The following KCNH1 variants were observed in gnomAD, a reference collection of about 807,000 sequenced individuals.
KCNH1 encodes the protein potassium voltage-gated channel subfamily H member 1, also known as voltage-gated delayed rectifier potassium channel KCNH1.
KCNH1 carries 27 observed loss-of-function variants against 69.2 expected under a neutral mutation model. The observed-to-expected ratio is 0.39, with a 90% CI of 0.29 to 0.54. KCNH1 has a LOEUF of 0.54. Ranked by LOEUF, KCNH1 falls within the 20% of genes least tolerant of loss-of-function variation. The pLI, the probability that KCNH1 is intolerant of heterozygous loss-of-function variation, is 0.68. For missense variants in KCNH1, 798 were observed against 1,261.6 expected (o/e 0.63, Z 5.57); for synonymous variants, 456 against 487.7 (o/e 0.93, Z 0.86).
intron 7 of KCNH1, among the ~76,000 whole-genome samples, chr1:210,822,764 C>T (rs1206733793): frequency 6.6e-6 from 1 of 152,186 alleles, no homozygotes; most frequent in East Asian, 1.9e-4. Context: ...ATCCCCCTTT[C>T]AAGACCCAGC....
chr1:210,797,478 C>A, intron 9 of KCNH1, 30 bp downstream of exon 9: 1 of 1,602,754 alleles, frequency 6.2e-7, no homozygotes, highest in Non-Finnish European at 8.5e-7. Context: ...CCCCAGATAC[C>A]TTTGCCCATC....
At chr1:210,974,077 C>G (rs924956506) in intron 6 of KCNH1, among the ~76,000 whole-genome samples, 2 of 152,126 alleles carry the variant, frequency 1.3e-5, no homozygotes, top group Non-Finnish European at 2.9e-5. Flanking sequence ...CTTTCTCTCT[C>G]TCTCTTCCCT....
intron 3 of KCNH1, among the ~76,000 whole-genome samples, chr1:211,097,078 G>A (rs1691170508): frequency 6.6e-6 from 1 of 152,174 alleles, no homozygotes; most frequent in Admixed American, 6.5e-5. Flanking sequence ...TAAATTACAA[G>A]AGGGTTCCTA....
intron 7 of KCNH1, among the ~76,000 whole-genome samples, chr1:210,896,426 G>C (rs905349752): frequency 1.3e-5 from 2 of 152,182 alleles, no homozygotes; most frequent in Admixed American, 6.5e-5. Context: ...AGTTGTGATA[G>C]ACGTAACATC....
intron 7 of KCNH1, among the ~76,000 whole-genome samples, chr1:210,850,712 C>T (rs188946892): frequency 1.4e-4 from 21 of 152,310 alleles, no homozygotes; most frequent in Admixed American, 2.6e-4. Flanking sequence ...GCAGTCTCAA[C>T]AGCAAGCCAA....
At chr1:210,944,199 G>A (rs116318066) in intron 6 of KCNH1, among the ~76,000 whole-genome samples, 1,723 of 152,296 alleles carry the variant, frequency 0.011, 36 homozygotes, top group African/African-American at 0.039. Context: ...CAATTCATAA[G>A]GGTGTTTTTT....
At chr1:210,795,393 C>T (rs1401742817) in intron 9 of KCNH1, among the ~76,000 whole-genome samples, 1 of 152,090 alleles carries the variant, frequency 6.6e-6, no homozygotes, top group Non-Finnish European at 1.5e-5. Flanking sequence ...GAGATCCACC[C>T]GTCTCAGCCA....
rs930270310 is a variant in KCNH1 at position 211,057,471 on chromosome 1, CA to C, written c.558+25308del. On this transcript the variant is annotated intron_variant, in intron 5 of 10. Transcript: ENST00000271751. ...GGCAACATGCAAAACCCCATCTCTACAAAAAAAAATTTTTTTAATTAGCTGG... is the reference window on the plus strand; with the variant it reads ...GGCAACATGCAAAACCCCATCTCTACAAAAAAAATTTTTTTAATTAGCTGG... Among the ~76,000 whole-genome samples, 102 of 151,548 alleles carry C rather than the reference CA, an allele frequency of 6.7e-4. No homozygotes were observed. In the Middle Eastern group the frequency reaches 0.014, roughly 20 times the overall value.
At chr1:210,921,056 T>C (rs187260427) in intron 6 of KCNH1, among the ~76,000 whole-genome samples, 1 of 152,352 alleles carries the variant, frequency 6.6e-6, no homozygotes, top group Admixed American at 6.5e-5. Flanking sequence ...ACTAACTTGC[T>C]GTGAATTTGG....
At chr1:210,704,817 G>A (rs1284415754) in intron 10 of KCNH1, among the ~76,000 whole-genome samples, 3 of 152,066 alleles carry the variant, frequency 2.0e-5, no homozygotes, top group African/African-American at 7.2e-5. Flanking sequence ...AGTTCCACTG[G>A]CTCACTCTTT....
At chr1:210,802,298 T>C (rs910309665) in intron 8 of KCNH1, among the ~76,000 whole-genome samples, 5 of 152,212 alleles carry the variant, frequency 3.3e-5, no homozygotes, top group African/African-American at 1.2e-4. Flanking sequence ...CAACTGACAA[T>C]TCTAATGAAG....
intron 5 of KCNH1, among the ~76,000 whole-genome samples, chr1:211,057,403 A>C (rs1690330936): frequency 4.6e-5 from 7 of 152,220 alleles, no homozygotes; most frequent in Admixed American, 4.6e-4. Context: ...TGGGAGGCCA[A>C]GGCAGGCAGA....
rs114024085 is a variant in KCNH1 at position 211,019,950 on chromosome 1, C to A, written c.559-694G>T. ...AAGGAAATTTTAAAATGTCTTGAAA[C>A]AAATGAAAATGAAAACATAACATAA... On this transcript the variant is annotated intron_variant, in intron 5 of 10. Coordinates refer to ENST00000271751, the MANE Select transcript of KCNH1 (RefSeq NM_172362.3). Among the ~76,000 whole-genome samples, 786 of 151,978 alleles carry A rather than the reference C, an allele frequency of 5.2e-3. 7 individuals carry two copies. The highest frequency in any genetic ancestry group is 0.018 in the African/African-American group (753 of 41,452).
At chr1:210,882,520 T>C (rs1361648298) in intron 7 of KCNH1, among the ~76,000 whole-genome samples, 2 of 152,182 alleles carry the variant, frequency 1.3e-5, no homozygotes, top group African/African-American at 4.8e-5. Context: ...AGTGCTCAGA[T>C]AGACGGAGGC....
chr1:210,802,590 G>A (rs993844030), intron 8 of KCNH1, among the ~76,000 whole-genome samples: 13 of 152,118 alleles, frequency 8.5e-5, no homozygotes, highest in Middle Eastern at 3.4e-3. Context: ...TAAATAATAG[G>A]AAGCCCACTG....
chr1:210,790,205 T>A (rs1333867245), intron 9 of KCNH1, among the ~76,000 whole-genome samples: 1 of 152,276 alleles, frequency 6.6e-6, no homozygotes, highest in East Asian at 1.9e-4. Context: ...CCTAAATTCC[T>A]GTCTTGAGCC....
intron 7 of KCNH1, among the ~76,000 whole-genome samples, chr1:210,916,704 T>C (rs1247514868): frequency 6.6e-6 from 1 of 152,158 alleles, no homozygotes; most frequent in East Asian, 1.9e-4. Flanking sequence ...ACCATTGTCA[T>C]GAGCAGAAAA....
intron 5 of KCNH1, among the ~76,000 whole-genome samples, chr1:211,020,082 C>T (rs1218932031): frequency 2.0e-5 from 3 of 151,748 alleles, no homozygotes; most frequent in Non-Finnish European, 4.4e-5. Flanking sequence ...CCTAACAATG[C>T]ACTTCAAGGA....
intron 5 of KCNH1, among the ~76,000 whole-genome samples, chr1:211,040,790 C>T (rs1025264318): frequency 6.6e-6 from 1 of 152,162 alleles, no homozygotes; most frequent in Non-Finnish European, 1.5e-5. Flanking sequence ...ACTGAAAAAA[C>T]GGAACCAGAG....
Sources: allele counts gnomAD v4.1 joint callset (sites outside exome capture counted in the v4.1 genomes callset), GRCh38; gene constraint gnomAD v4.1.1; transcripts MANE v1.5; gene names NCBI Gene and HGNC (gene_info 2026-07-23, HGNC 2026-07-21).